SBF2: variants seen among roughly 807,000 people sequenced by gnomAD.
SBF2 encodes the protein SET binding factor 2, also known as myotubularin-related protein 13.
In SBF2, 112 loss-of-function variants were observed where a neutral mutation model predicts 225.2. The observed-to-expected ratio is 0.50, with a 90% CI of 0.43 to 0.58. The LOEUF (loss-of-function observed/expected upper bound fraction) is 0.58. Ranked by LOEUF, SBF2 falls within the 20% of genes least tolerant of loss-of-function variation. The pLI is 0.00. For missense variants in SBF2, 1,996 were observed against 2,206.2 expected, an observed-to-expected ratio of 0.90 and a Z score of 1.91; for synonymous variants, 763 against 773.3, an observed-to-expected ratio of 0.99 and a Z score of 0.22.
chr11:10,005,857 ATTC>A (rs1339639798), intron 6 of SBF2, among the ~76,000 whole-genome samples: 1 of 151,996 alleles, frequency 6.6e-6, no homozygotes, highest in Non-Finnish European at 1.5e-5. Context: ...CCCCAGAACA[ATTC>A]TTCTCGGCCA....
At chr11:10,294,351 C>T, upstream of SBF2, 1 of 323,076 alleles carries the variant, frequency 3.1e-6, no homozygotes, top group Non-Finnish European at 5.6e-6. Context: ...GGGGAGTGGG[C>T]GGTCGGGCGT....
At chr11:10,193,321 T>C (rs1957245780) in intron 2 of SBF2, among the ~76,000 whole-genome samples, 1 of 151,884 alleles carries the variant, frequency 6.6e-6, no homozygotes, top group Admixed American at 6.6e-5. Context: ...ATTTTTCTGC[T>C]TTTGAGTATA....
chr11:10,136,813 CTG>C (rs1337228398), intron 2 of SBF2, among the ~76,000 whole-genome samples: 1 of 152,202 alleles, frequency 6.6e-6, no homozygotes. Flanking sequence ...AATAAAGAAA[CTG>C]TTTTTCTTTT....
intron 13 of SBF2, among the ~76,000 whole-genome samples, chr11:9,976,427 C>G (rs34509215): frequency 6.6e-6 from 1 of 152,026 alleles, no homozygotes; most frequent in Admixed American, 6.6e-5. Flanking sequence ...TTTCCTTTAA[C>G]TTTTTCTAAA....
In SBF2 at chr11:10,271,196, CTT is replaced by C. The variant is rs35931698; in HGVS notation, c.55+22817_55+22818del. Among the ~76,000 whole-genome samples the C allele has an allele frequency of 5.7e-4, 46 of 81,048 alleles. 6 individuals are homozygous for C. Among genetic ancestry groups the C allele is most frequent in the Non-Finnish European group, 7.6e-4 (27 of 35,428 alleles). The allele number at this position is 81,048 out of a possible 152,430, so 53.2% of individuals were successfully genotyped here. A position where few individuals can be genotyped will look rare whatever the true frequency, so the allele number is the denominator to read the frequency against. ...AAAACCAAGGACAGCAATCTTGATT[CTT>C]TTTTTTTTTTTTTTTTGAAGTTAAG... On this transcript the variant is annotated intron_variant, in intron 1 of 39. Transcript: ENST00000256190.
At chr11:10,050,709 G>T (rs1367100499) in intron 2 of SBF2, among the ~76,000 whole-genome samples, 2 of 152,128 alleles carry the variant, frequency 1.3e-5, no homozygotes, top group African/African-American at 4.8e-5. Context: ...TTGACCTTCT[G>T]ATGGTAAATC....
At chr11:10,272,937 G>A (rs1444454719) in intron 1 of SBF2, among the ~76,000 whole-genome samples, 7 of 152,064 alleles carry the variant, frequency 4.6e-5, no homozygotes, top group Admixed American at 2.0e-4. Context: ...AGGCATGGTG[G>A]CACATGCCTG....
intron 16 of SBF2, among the ~76,000 whole-genome samples, chr11:9,933,974 C>T (rs959914038): frequency 3.3e-5 from 5 of 151,956 alleles, no homozygotes; most frequent in African/African-American, 7.2e-5. Flanking sequence ...AAATGCTACT[C>T]GGGAGGCTGA....
At chr11:9,995,339 T>C (rs1947645775) in intron 9 of SBF2, among the ~76,000 whole-genome samples, 1 of 152,148 alleles carries the variant, frequency 6.6e-6, no homozygotes, top group African/African-American at 2.4e-5. Context: ...TGCAGAATCA[T>C]TTTCAACTAC....
At chr11:10,146,674 A>T (rs1468614022) in intron 2 of SBF2, among the ~76,000 whole-genome samples, 1 of 152,230 alleles carries the variant, frequency 6.6e-6, no homozygotes, top group East Asian at 1.9e-4. Context: ...CAAAGAGTTC[A>T]TGACAAAGAT....
intron 2 of SBF2, among the ~76,000 whole-genome samples, chr11:10,163,804 G>T (rs992728362): frequency 1.6e-4 from 24 of 152,142 alleles, no homozygotes; most frequent in Admixed American, 1.2e-3. Context: ...CCATTAGACT[G>T]ATAAAAAGAG....
chr11:10,083,230 T>C (rs578207312), intron 2 of SBF2, among the ~76,000 whole-genome samples: 125 of 152,212 alleles, frequency 8.2e-4, no homozygotes, highest in African/African-American at 2.9e-3. Flanking sequence ...AAAAAAACTG[T>C]AGATGACACA....
intron 2 of SBF2, among the ~76,000 whole-genome samples, chr11:10,082,132 G>C (rs1033232797): frequency 6.6e-6 from 1 of 152,004 alleles, no homozygotes; most frequent in African/African-American, 2.4e-5. Flanking sequence ...AAAACCAAAA[G>C]GAAATGGATA....
intron 13 of SBF2, among the ~76,000 whole-genome samples, chr11:9,969,462 C>T (rs187914117): frequency 2.0e-3 from 299 of 152,308 alleles, no homozygotes; most frequent in Admixed American, 7.7e-3. Flanking sequence ...AAACAACTTA[C>T]AACACCCTAC....
intron 1 of SBF2, among the ~76,000 whole-genome samples, chr11:10,287,653 A>G (rs1488377856): frequency 2.6e-5 from 4 of 152,228 alleles, no homozygotes; most frequent in Non-Finnish European, 4.4e-5. Flanking sequence ...GTTCACTTAA[A>G]AGAGTAAATT....
In SBF2 at chr11:10,035,914, T is replaced by TA. The variant is rs1454175907; in HGVS notation, c.280-4745dup. Reference sequence around the variant, plus strand: ...CACCCAGCCACCACATTACTGGGTGTATACCCAAAGGATTATAAATCATTC... The same window carrying TA: ...CACCCAGCCACCACATTACTGGGTGTAATACCCAAAGGATTATAAATCATTC... On this transcript the variant is annotated intron_variant, in intron 3 of 39. Transcript: ENST00000256190. Among the ~76,000 whole-genome samples the TA allele has an allele frequency of 3.3e-5, 5 of 152,334 alleles. No individual in the cohort carries two copies. In the East Asian group the frequency reaches 9.7e-4, roughly 29 times the overall value.
chr11:9,872,308 G>A, intron 17 of SBF2, among the ~76,000 whole-genome samples: 1 of 152,068 alleles, frequency 6.6e-6, no homozygotes, highest in East Asian at 1.9e-4. Flanking sequence ...ACACACACTG[G>A]GGCCTGTCAG....
intron 6 of SBF2, among the ~76,000 whole-genome samples, chr11:10,023,631 G>A (rs557598815): frequency 7.0e-4 from 106 of 152,114 alleles, no homozygotes; most frequent in Non-Finnish European, 1.1e-3. Context: ...ATAATATACG[G>A]TTTTTGTGCC....
chr11:10,047,323 T>C (rs542508510), intron 2 of SBF2, among the ~76,000 whole-genome samples: 2 of 152,178 alleles, frequency 1.3e-5, no homozygotes, highest in East Asian at 3.9e-4. Context: ...AATACAATAT[T>C]GGAGAAAAAC....
Sources: gnomAD v4.1 joint callset for allele counts (sites outside exome capture counted in the v4.1 genomes callset) on GRCh38, gnomAD v4.1.1 for gene constraint, MANE v1.5 for transcripts, NCBI Gene and HGNC (gene_info 2026-07-23, HGNC 2026-07-21) for gene names.